The following MAF variants were observed in gnomAD, a reference collection of about 807,000 sequenced individuals.
The protein encoded by MAF is MAF bZIP transcription factor, also known as transcription factor Maf.
MAF carries 10 observed loss-of-function variants against 22.0 expected under a neutral mutation model. That is an observed-to-expected ratio of 0.45 (90% CI 0.28 to 0.77). The LOEUF is 0.77. MAF is among the 30% of genes least tolerant of loss of function. The probability of loss-of-function intolerance (pLI) is 0.12; values close to 1 mark genes in which losing one functional copy is unlikely to be tolerated. For synonymous variants in MAF, 337 were observed against 255.8 expected (o/e 1.32, Z -3.03); for missense variants, 544 against 548.4 (o/e 0.99, Z 0.08).
the MAF span, among the ~76,000 whole-genome samples, chr16:79,224,433 C>G: frequency 2.6e-5 from 4 of 152,290 alleles, no homozygotes; most frequent in South Asian, 8.3e-4. Context: ...GGAAGCATGC[C>G]TTTTGAAAAC....
chr16:79,321,221 G>A, the MAF span, among the ~76,000 whole-genome samples: 4 of 152,210 alleles, frequency 2.6e-5, no homozygotes, highest in Non-Finnish European at 5.9e-5. Flanking sequence ...GCAGTCTTGG[G>A]AGGTGTCGGA....
chr16:79,410,357 T>C, the MAF span, among the ~76,000 whole-genome samples: 3 of 152,252 alleles, frequency 2.0e-5, no homozygotes, highest in Non-Finnish European at 2.9e-5. Flanking sequence ...GTTTTTCTTT[T>C]GTCAAAGTTA....
At chr16:79,398,020 G>A in the MAF span, among the ~76,000 whole-genome samples, 41 of 152,236 alleles carry the variant, frequency 2.7e-4, no homozygotes, top group East Asian at 1.5e-3. Context: ...GTCTGACCTG[G>A]GTCTCGCTAG....
chr16:79,386,708 T>G, the MAF span, among the ~76,000 whole-genome samples: 23 of 151,946 alleles, frequency 1.5e-4, no homozygotes, highest in Non-Finnish European at 2.9e-5. Flanking sequence ...GGAAACAAAA[T>G]GGTGAGCAGC....
the MAF span, among the ~76,000 whole-genome samples, chr16:79,453,345 T>G: frequency 1.4e-4 from 22 of 152,212 alleles, no homozygotes; most frequent in Non-Finnish European, 2.8e-4. Flanking sequence ...CCATGCAACC[T>G]AAGATGGCAT....
the MAF span, among the ~76,000 whole-genome samples, chr16:79,259,292 A>T: frequency 1.3e-5 from 2 of 151,954 alleles, no homozygotes; most frequent in Admixed American, 6.6e-5. Flanking sequence ...GCTGTTCCCC[A>T]TGCTTGGAAA....
At chr16:79,271,323 T>C in the MAF span, among the ~76,000 whole-genome samples, 1 of 151,950 alleles carries the variant, frequency 6.6e-6, no homozygotes, top group Admixed American at 6.5e-5. Flanking sequence ...TCCATTGGGT[T>C]ACTACTAAAT....
At chr16:79,215,549 C>A in the MAF span, among the ~76,000 whole-genome samples, 2 of 152,188 alleles carry the variant, frequency 1.3e-5, no homozygotes, top group East Asian at 3.9e-4. Context: ...CTCCTGCTTC[C>A]TGGCCGTGTC....
chr16:79,432,925 C>T, the MAF span, among the ~76,000 whole-genome samples: 2 of 152,170 alleles, frequency 1.3e-5, no homozygotes, highest in Admixed American at 6.6e-5. Flanking sequence ...GACTTCTGGC[C>T]TCCAAAAGCC....
chr16:79,453,496 C>T, the MAF span, among the ~76,000 whole-genome samples: 1 of 152,312 alleles, frequency 6.6e-6, no homozygotes, highest in East Asian at 1.9e-4. Context: ...TAATTCATTC[C>T]ATCTTCATTA....
At chr16:79,418,603 C>A in the MAF span, among the ~76,000 whole-genome samples, 1 of 152,102 alleles carries the variant, frequency 6.6e-6, no homozygotes, top group East Asian at 1.9e-4. Context: ...CGTGCTCACT[C>A]TAGGTATGGA....
the MAF span, among the ~76,000 whole-genome samples, chr16:79,315,529 C>G: frequency 6.6e-6 from 1 of 152,148 alleles, no homozygotes; most frequent in African/African-American, 2.4e-5. Context: ...CATACTAATA[C>G]ACGCTGTTAG....
the MAF span, among the ~76,000 whole-genome samples, chr16:79,242,859 T>A: frequency 3.9e-5 from 6 of 152,154 alleles, no homozygotes; most frequent in Admixed American, 3.9e-4. Flanking sequence ...TCTCTCAGAC[T>A]ACAGTGCAAT....
At chr16:79,261,145 G>GGTAT in the MAF span, among the ~76,000 whole-genome samples, 2 of 147,368 alleles carry the variant, frequency 1.4e-5, no homozygotes, top group East Asian at 4.0e-4. Flanking sequence ...GGCTCCCATG[G>GGTAT]GTATTTATTT....
At chr16:79,352,180 C>A in the MAF span, among the ~76,000 whole-genome samples, 1 of 152,186 alleles carries the variant, frequency 6.6e-6, no homozygotes, top group Admixed American at 6.5e-5. Context: ...ACCCTCAACT[C>A]AGAATTAAAT....
the MAF span, among the ~76,000 whole-genome samples, chr16:79,570,846 C>G: frequency 3.3e-5 from 5 of 152,218 alleles, no homozygotes; most frequent in Non-Finnish European, 5.9e-5. Context: ...GGAATATGTT[C>G]TGTGCGAGTT....
chr16:79,339,177 C>G, the MAF span, among the ~76,000 whole-genome samples: 1 of 152,156 alleles, frequency 6.6e-6, no homozygotes, highest in Non-Finnish European at 1.5e-5. Context: ...TCACGCCATT[C>G]TCCTGCCTCA....
At chr16:79,580,816 GAA>G in the MAF span, among the ~76,000 whole-genome samples, 2,654 of 149,852 alleles carry the variant, frequency 0.018, 74 homozygotes, top group African/African-American at 0.06. Context: ...TTTAAAAGGA[GAA>G]AAAAAAAAAT....
At chr16:79,569,954 G>A in the MAF span, among the ~76,000 whole-genome samples, 1 of 151,508 alleles carries the variant, frequency 6.6e-6, no homozygotes, top group Admixed American at 6.6e-5. Flanking sequence ...CAGGTGGTGG[G>A]ATCCTTTGCT....
Sources: allele counts gnomAD v4.1 joint callset (sites outside exome capture counted in the v4.1 genomes callset), GRCh38; gene constraint gnomAD v4.1.1; transcripts MANE v1.5; gene names NCBI Gene and HGNC (gene_info 2026-07-23, HGNC 2026-07-21).